The following SPPL2A variants were observed in gnomAD, a reference collection of about 807,000 sequenced individuals.
SPPL2A encodes the protein signal peptide peptidase like 2A, also known as signal peptide peptidase-like 2A.
SPPL2A carries 51 observed loss-of-function variants against 63.8 expected under a neutral mutation model. The observed-to-expected ratio is 0.80, with a 90% CI of 0.64 to 1.01. The LOEUF is 1.01. SPPL2A is among the 50% of genes least tolerant of loss of function. SPPL2A has a pLI of 0.00. For missense variants in SPPL2A, 553 were observed against 622.7 expected, an observed-to-expected ratio of 0.89 and a Z score of 1.19; for synonymous variants, 188 against 205.8, an observed-to-expected ratio of 0.91 and a Z score of 0.74.
chr15:50,760,323 C>T (rs1406982998), intron 1 of SPPL2A, among the ~76,000 whole-genome samples: 4 of 151,912 alleles, frequency 2.6e-5, no homozygotes, highest in African/African-American at 4.8e-5. Context: ...TGCAAAGGCA[C>T]GATCTTGGCT....
At chr15:50,723,420 C>T (rs1232454912) in intron 12 of SPPL2A, among the ~76,000 whole-genome samples, 2 of 152,116 alleles carry the variant, frequency 1.3e-5, no homozygotes, top group Non-Finnish European at 2.9e-5. Context: ...TGTCCATCAA[C>T]AGATGAATGA....
At chr15:50,756,234 G>A (rs1194546921) in intron 1 of SPPL2A, among the ~76,000 whole-genome samples, 1 of 151,576 alleles carries the variant, frequency 6.6e-6, no homozygotes, top group East Asian at 1.9e-4. Context: ...GGTGGTGGGC[G>A]CCTGTAGACC....
chr15:50,735,559 AC>A lies in SPPL2A; in HGVS notation c.932+541del, dbSNP rs1343752924. Among the ~76,000 whole-genome samples, 18 of 151,946 alleles carry A rather than the reference AC, an allele frequency of 1.2e-4. No individual in the cohort carries two copies. The East Asian group carries it at 3.5e-3, about 29-fold the overall frequency. On this transcript the variant is annotated intron_variant, in intron 8 of 14. Coordinates refer to ENST00000261854, the MANE Select transcript of SPPL2A (RefSeq NM_032802.4). ...CATATATACATACACACACACACAC[AC>A]ACACACATATTTTTTTGAGATAGAG...
chr15:50,738,527 C>A (rs1170517843), intron 6 of SPPL2A, among the ~76,000 whole-genome samples: 1 of 146,032 alleles, frequency 6.8e-6, no homozygotes. Context: ...CCAGCCTGGG[C>A]GACAGAGCAA....
At chr15:50,742,853 G>A (rs1051108451) in intron 5 of SPPL2A, 7 of 152,112 alleles carry the variant, frequency 4.6e-5, no homozygotes, top group Non-Finnish European at 8.8e-5. Context: ...AAGCTGATAT[G>A]TACTCCCCTC....
intron 14 of SPPL2A, among the ~76,000 whole-genome samples, chr15:50,712,634 C>T (rs1294925993): frequency 6.6e-6 from 1 of 150,558 alleles, no homozygotes; most frequent in African/African-American, 2.4e-5. Flanking sequence ...GGATTTCCTT[C>T]CTTCCTTTCC....
rs2062913791 is a variant in SPPL2A at position 50,752,205 on chromosome 15, T to A, written c.67-2459A>T. Among the ~76,000 whole-genome samples, 7 of 152,224 alleles carry A rather than the reference T, an allele frequency of 4.6e-5. No homozygotes were observed. In the South Asian group the frequency reaches 1.4e-3, roughly 32 times the overall value. ...TATCAGTAGAGATGCATTAATTTTT[T>A]AAAAATTTCAGTGTGGTATAATTAC... is the stretch of plus-strand genomic sequence containing the variant. On this transcript the variant is annotated intron_variant, in intron 1 of 14. Coordinates refer to ENST00000261854, the MANE Select transcript of SPPL2A (RefSeq NM_032802.4).
At chr15:50,757,211 T>G (rs1437000371) in intron 1 of SPPL2A, among the ~76,000 whole-genome samples, 1 of 151,588 alleles carries the variant, frequency 6.6e-6, no homozygotes, top group Non-Finnish European at 1.5e-5. Flanking sequence ...GCCTCCCGAG[T>G]AGCTGGGACT....
intron 14 of SPPL2A, among the ~76,000 whole-genome samples, chr15:50,714,545 C>T (rs1320691793): frequency 5.3e-5 from 8 of 151,366 alleles, no homozygotes; most frequent in East Asian, 1.9e-4. Flanking sequence ...GCAGGAGAAT[C>T]GCTTGAACCC....
chr15:50,765,330 G>A (rs2063049452), intron 1 of SPPL2A, 138 bp downstream of exon 1: 1 of 549,432 alleles, frequency 1.8e-6, no homozygotes, highest in Non-Finnish European at 3.1e-6. Flanking sequence ...GAGGAGGGGA[G>A]GAAAGAGGAG....
chr15:50,722,032 C>A (rs1215687484), intron 13 of SPPL2A, 92 bp downstream of exon 13: 2 of 727,568 alleles, frequency 2.7e-6, no homozygotes, highest in Non-Finnish European at 4.8e-6. Flanking sequence ...ACCACCATGC[C>A]CAAACTGTAC....
chr15:50,765,373 G>T (rs2063050102), intron 1 of SPPL2A, 95 bp downstream of exon 1: 1 of 938,050 alleles, frequency 1.1e-6, no homozygotes, highest in Non-Finnish European at 1.5e-6. Context: ...GCGGGCAGAG[G>T]GGAGGCCGGG....
Position 50,739,780 on chromosome 15 carries a change from CT to C in SPPL2A, c.632del (p.Lys211ArgfsTer6). On this transcript the variant is annotated frameshift_variant, in exon 6 of 15. Transcript: ENST00000261854. LOFTEE classifies it high-confidence loss of function. ...GACTAAAAGTTAAATATTCTTCCTTCTTTTTCCTCATTTCTCTATCTTCAGT... is the reference window on the plus strand; with the variant it reads ...GACTAAAAGTTAAATATTCTTCCTTCTTTTCCTCATTTCTCTATCTTCAGT... ...VTTEDREMRK[K>X]KEEYLTFSPL... 6.2e-7 allele frequency: 1 copy of C among 1,605,764 alleles called. No homozygotes were observed. Among genetic ancestry groups the C allele is most frequent in the Admixed American group, 1.7e-5 (1 of 57,762 alleles).
chr15:50,745,086 TTTTCATTTC>T (rs1200292295), intron 5 of SPPL2A, among the ~76,000 whole-genome samples: 1 of 152,184 alleles, frequency 6.6e-6, no homozygotes, highest in African/African-American at 2.4e-5. Flanking sequence ...GTTTGTGGCT[TTTTCATTTC>T]TTTCAATAAA....
intron 14 of SPPL2A, among the ~76,000 whole-genome samples, chr15:50,709,461 G>T (rs1198618179): frequency 6.6e-6 from 1 of 152,088 alleles, no homozygotes; most frequent in East Asian, 1.9e-4. Flanking sequence ...AAGGCTTTTG[G>T]CTGACAACTG....
At chr15:50,763,414 C>A (rs1349115487) in intron 1 of SPPL2A, among the ~76,000 whole-genome samples, 1 of 152,106 alleles carries the variant, frequency 6.6e-6, no homozygotes, top group Non-Finnish European at 1.5e-5. Flanking sequence ...GAAAAAAGAT[C>A]CTTACAATTT....
chr15:50,705,783 G>A lies in SPPL2A; in HGVS notation c.*2017C>T, dbSNP rs987111967. 2 of 152,140 alleles carry A rather than the reference G, an allele frequency of 1.3e-5. No homozygotes were observed. The highest frequency in any genetic ancestry group is 4.8e-5 in the African/African-American group (2 of 41,432). 9.4% of individuals were successfully genotyped at this position (152,140 alleles called of 1,614,324 possible). On this transcript the variant is annotated 3_prime_UTR_variant, in exon 15 of 15. Coordinates refer to ENST00000261854, the MANE Select transcript of SPPL2A (RefSeq NM_032802.4). ...GCAAAATTTAGTTCAAGTATCAAAG[G>A]TCTGATCAATTTTAAAAGGCATTAG...
chr15:50,744,806 A>C (rs910963481), intron 5 of SPPL2A, among the ~76,000 whole-genome samples: 1 of 152,178 alleles, frequency 6.6e-6, no homozygotes. Context: ...GCGCCCCCAC[A>C]AACAGTACAT....
intron 12 of SPPL2A, among the ~76,000 whole-genome samples, chr15:50,722,866 A>G (rs2062658974): frequency 2.0e-5 from 3 of 152,362 alleles, no homozygotes; most frequent in African/African-American, 7.2e-5. Flanking sequence ...CAAAGTGAAG[A>G]AAACACCTGT....
Sources: gnomAD v4.1 joint callset for allele counts (sites outside exome capture counted in the v4.1 genomes callset) on GRCh38, gnomAD v4.1.1 for gene constraint, MANE v1.5 for transcripts, NCBI Gene and HGNC (gene_info 2026-07-23, HGNC 2026-07-21) for gene names.